MICAL2: variants seen among roughly 807,000 people sequenced by gnomAD.
The protein encoded by MICAL2 is [F-actin]-monooxygenase MICAL2.
In MICAL2, 77 loss-of-function variants were observed where a neutral mutation model predicts 127.3. The observed-to-expected ratio is 0.60, with a 90% CI of 0.50 to 0.73. The LOEUF is 0.73. Among genes scored for constraint, MICAL2 ranks in the 30% least tolerant of loss-of-function variants. The pLI is 0.00. For missense variants in MICAL2, 1,351 were observed against 1,434.4 expected, an observed-to-expected ratio of 0.94 and a Z score of 0.94; for synonymous variants, 570 against 551.1, an observed-to-expected ratio of 1.03 and a Z score of -0.48.
intron 26 of MICAL2, chr11:12,261,010 GC>G (rs1400419880): frequency 1.0e-6 from 1 of 985,424 alleles, no homozygotes; most frequent in African/African-American, 1.7e-5. Flanking sequence ...TGGCATTTTA[GC>G]CCCTGTGGCT....
rs1857561062 is a variant in MICAL2, at chr11:12,226,970, G to A, written c.1889-55G>A. 5.0e-6 allele frequency: 7 copies of A among 1,403,754 alleles called. No homozygotes were observed. In the South Asian group the frequency reaches 8.1e-5, roughly 16 times the overall value. The allele number at this position is 1,403,754 out of a possible 1,614,324, so 87.0% of individuals were successfully genotyped here. On this transcript the variant is annotated intron_variant, in intron 14 of 27. Coordinates refer to ENST00000683283, the MANE Select transcript of MICAL2 (RefSeq NM_001282663.2). ...ACCCAGCCAACACCTCCTTGTTATA[G>A]CCATACTTCCCAGAGCCAGGTTCCA...
chr11:12,286,290 C>T lies in MICAL2; in HGVS notation c.255-797C>T, dbSNP rs186063782. On this transcript the variant is annotated intron_variant, in intron 2 of 2. Transcript: ENST00000529028. Reference sequence around the variant, plus strand: ...GGGGGCTCTGTGGGGAAAGGGGAGGCAGAGAGTAGAACTTCCTGCAGCTTC... The same window carrying T: ...GGGGGCTCTGTGGGGAAAGGGGAGGTAGAGAGTAGAACTTCCTGCAGCTTC... Among the ~76,000 whole-genome samples, 247 of 152,210 alleles carry T rather than the reference C, an allele frequency of 1.6e-3. 2 individuals are homozygous for T. The highest frequency in any genetic ancestry group is 6.8e-3 in the South Asian group (33 of 4,820).
chr11:12,338,534 G>A (rs12791160), intron 32 of MICAL2, among the ~76,000 whole-genome samples: 62,163 of 151,912 alleles, frequency 0.41, 15,367 homozygotes, highest in Non-Finnish European at 0.56. Context: ...TAGTTGATGC[G>A]GTTTCTTCCT....
exon 31 of MICAL2, chr11:12,324,013 A>G: frequency 6.2e-7 from 1 of 1,612,166 alleles, no homozygotes; most frequent in Middle Eastern, 1.7e-4. Context: ...AGAAGCTAGA[A>G]AAAGCAATGA....
intron 22 of MICAL2, 87 bp downstream of exon 22, chr11:12,249,333 C>A (rs1861223232): frequency 9.0e-6 from 7 of 781,474 alleles, no homozygotes; most frequent in South Asian, 7.4e-5. Context: ...GAGTTAAGCG[C>A]ATATGATCAG....
chr11:12,196,166 T>G (rs546877083), intron 3 of MICAL2: 2 of 153,528 alleles, frequency 1.3e-5, no homozygotes, highest in East Asian at 3.9e-4. Flanking sequence ...GTTCTGAAGA[T>G]AGTAAACAAG....
At chr11:12,143,287 T>C (rs1590055830) in intron 2 of MICAL2, among the ~76,000 whole-genome samples, 1 of 152,186 alleles carries the variant, frequency 6.6e-6, no homozygotes, top group African/African-American at 2.4e-5. Context: ...GCATGCTTTT[T>C]TCTTAGCTGA....
intron 2 of MICAL2, among the ~76,000 whole-genome samples, chr11:12,146,219 T>C (rs898922962): frequency 4.6e-5 from 7 of 151,888 alleles, no homozygotes; most frequent in Non-Finnish European, 7.4e-5. Flanking sequence ...ACAAACGGGA[T>C]CTAATTAAAC....
chr11:12,288,713 G>A (rs574629372), downstream of MICAL2, among the ~76,000 whole-genome samples: 4 of 152,298 alleles, frequency 2.6e-5, no homozygotes, highest in South Asian at 2.1e-4. Context: ...ACCAAGGAGC[G>A]AGCTGGCTGG....
rs1188667819 is a variant in MICAL2 at position 12,167,775 on chromosome 11, G to A, written c.264+5356G>A. The stretch of plus-strand genomic sequence containing the variant: ...TGTTTCTGAGCCTGGATTGCCAGTC[G>A]GGTTGTACCAATGGTTGCATTTGTT... On this transcript the variant is annotated intron_variant, in intron 3 of 27. Coordinates refer to ENST00000683283, the MANE Select transcript of MICAL2 (RefSeq NM_001282663.2). Among the ~76,000 whole-genome samples, 5 of 152,252 alleles carry A rather than the reference G, an allele frequency of 3.3e-5. No individual in the cohort carries two copies. In the East Asian group the frequency reaches 9.6e-4, roughly 29 times the overall value.
At chr11:12,227,212 C>A in intron 15 of MICAL2, 81 bp downstream of exon 15, 2 of 1,024,854 alleles carry the variant, frequency 2.0e-6, no homozygotes, top group Non-Finnish European at 3.0e-6. Context: ...ACATTCTCAG[C>A]CTGTTGAGGC....
downstream of MICAL2, chr11:12,293,766 A>G (rs775000445): frequency 6.2e-7 from 1 of 1,613,778 alleles, no homozygotes; most frequent in Admixed American, 1.7e-5. Context: ...ATGACTTCTG[A>G]TGAGTGCCAG....
intron 1 of MICAL2, among the ~76,000 whole-genome samples, chr11:12,119,190 G>A (rs775747787): frequency 4.6e-5 from 7 of 152,218 alleles, no homozygotes; most frequent in Admixed American, 2.6e-4. Flanking sequence ...GCTGCCTGCC[G>A]CCTGGAGAGT....
chr11:12,355,038 G>A (rs951703829), intron 34 of MICAL2, among the ~76,000 whole-genome samples: 1 of 152,162 alleles, frequency 6.6e-6, no homozygotes, highest in African/African-American at 2.4e-5. Context: ...CATTCACTTG[G>A]GCTGTGAGGG....
chr11:12,118,445 C>T (rs773243953), intron 1 of MICAL2, among the ~76,000 whole-genome samples: 3 of 152,074 alleles, frequency 2.0e-5, no homozygotes, highest in African/African-American at 4.8e-5. Flanking sequence ...GCTCTTCCTG[C>T]GGCCTGCTGA....
chr11:12,227,057 G>T lies in MICAL2; in HGVS notation c.1921G>T (p.Asp641Tyr). ...GCGCAAAAACTATGGAGAAAATGCT[G>T]ACCTCAGCTTGGCCAAATCATCCAT... is the stretch of plus-strand genomic sequence containing the variant. Reference protein sequence around the residue: ...SWRKNYGENADLSLAKSSISN... With the variant: ...SWRKNYGENAYLSLAKSSISN... The change falls in exon 15 of 28, where the codon GAC (aspartate) becomes TAC (tyrosine). Residue 641 changes from aspartate to tyrosine, a missense_variant. Physicochemically the swap from Asp to Tyr is radical, Grantham distance 160 (BLOSUM62 -3). This residue lies in a region of MICAL2 where 752 missense variants were observed against 719.4 expected (regional missense o/e 1.05). Coordinates refer to ENST00000683283, the MANE Select transcript of MICAL2 (RefSeq NM_001282663.2). The T allele has an allele frequency of 6.2e-7, 1 of 1,614,102 alleles. No homozygotes were observed. The highest frequency in any genetic ancestry group is 1.6e-4 in the Middle Eastern group (1 of 6,062).
chr11:12,171,912 C>T (rs1565092335), intron 3 of MICAL2, among the ~76,000 whole-genome samples: 1 of 152,134 alleles, frequency 6.6e-6, no homozygotes, highest in Non-Finnish European at 1.5e-5. Context: ...ACTATTTCAA[C>T]ATGTAGTAAA....
chr11:12,284,328 C>G (rs1432701306), intron 2 of MICAL2, among the ~76,000 whole-genome samples: 2 of 152,140 alleles, frequency 1.3e-5, no homozygotes, highest in African/African-American at 4.8e-5. Flanking sequence ...CCCTCTCACT[C>G]CTTTTACAGT....
rs571674265 is a variant in MICAL2 at position 12,209,197 on chromosome 11, T to C, written c.590-300T>C. 2.6e-5 allele frequency among the ~76,000 whole-genome samples: 4 copies of C among 152,330 alleles called. No homozygotes were observed. In the South Asian group the frequency reaches 8.3e-4, roughly 32 times the overall value. On this transcript the variant is annotated intron_variant, in intron 5 of 27. Coordinates refer to ENST00000683283, the MANE Select transcript of MICAL2 (RefSeq NM_001282663.2). ...AGATGGTGGACTTTGTTGAGAATGATAAGATGCAAATGAGAGTAGTTTATG... is the reference window on the plus strand; with the variant it reads ...AGATGGTGGACTTTGTTGAGAATGACAAGATGCAAATGAGAGTAGTTTATG...
Sources: gnomAD v4.1 joint callset for allele counts (sites outside exome capture counted in the v4.1 genomes callset) on GRCh38, gnomAD v4.1.1 for gene constraint, gnomAD v4.1.1 regional missense constraint, MANE v1.5 for transcripts, NCBI Gene and HGNC (gene_info 2026-07-23, HGNC 2026-07-21) for gene names.